Variants in CD4 observed in about 807,000 individuals in gnomAD.
CD4 encodes CD4 molecule.
In CD4, 25 loss-of-function variants were observed where a neutral mutation model predicts 50.5. The ratio of observed to expected loss-of-function variants is 0.49; its 90% CI spans 0.36 to 0.69. The LOEUF (loss-of-function observed/expected upper bound fraction) is 0.69, where lower values mean the gene tolerates loss of function less well. Ranked by LOEUF, CD4 falls within the 30% of genes least tolerant of loss-of-function variation. The pLI, the probability that CD4 is intolerant of heterozygous loss-of-function variation, is 0.00. For synonymous variants in CD4, 207 were observed against 221.9 expected (o/e 0.93, Z 0.60); for missense variants, 456 against 548.5 (o/e 0.83, Z 1.68).
At chr12:6,808,409 C>T (rs1326475408) in intron 3 of CD4, among the ~76,000 whole-genome samples, 1 of 124,298 alleles carries the variant, frequency 8.0e-6, no homozygotes, top group Admixed American at 1.0e-4. Context: ...CGAGATCACA[C>T]TACTGCACTC....
chr12:6,815,287 G>A (rs1943057297), intron 5 of CD4, among the ~76,000 whole-genome samples: 1 of 152,118 alleles, frequency 6.6e-6, no homozygotes, highest in Non-Finnish European at 1.5e-5. Context: ...ATGTCAGGGA[G>A]CTTACTTTCT....
At chr12:6,796,167 G>A (rs959762859) in intron 1 of CD4, among the ~76,000 whole-genome samples, 1 of 152,326 alleles carries the variant, frequency 6.6e-6, no homozygotes, top group African/African-American at 2.4e-5. Flanking sequence ...CCAGGCTTGT[G>A]GTGGCCACAC....
chr12:6,792,205 C>A lies in CD4; in HGVS notation c.-68+2543C>A, dbSNP rs1367519259. 1.3e-5 allele frequency among the ~76,000 whole-genome samples: 2 copies of A among 152,188 alleles called. No individual in the cohort carries two copies. The highest frequency in any genetic ancestry group is 3.9e-4 in the East Asian group (2 of 5,164). Reference sequence around the variant, plus strand: ...GGTTATGGGGAGAAGATAAAAGTGCCTGTGGGACCACAGACTCTCGCTGTG... The same window carrying A: ...GGTTATGGGGAGAAGATAAAAGTGCATGTGGGACCACAGACTCTCGCTGTG... On this transcript the variant is annotated intron_variant, in intron 1 of 9. Transcript: ENST00000011653. The surrounding 1 kb of genome is among the most constrained non-coding windows in gnomAD (Gnocchi z 4.1).
intron 1 of CD4, among the ~76,000 whole-genome samples, chr12:6,791,999 C>T (rs369289525): frequency 3.3e-4 from 50 of 152,176 alleles, no homozygotes; most frequent in African/African-American, 1.1e-3. Flanking sequence ...AGGGTGGGCA[C>T]GGTTCCCCCG....
intron 3 of CD4, among the ~76,000 whole-genome samples, chr12:6,801,762 G>A (rs782150891): frequency 1.3e-5 from 2 of 149,562 alleles, no homozygotes; most frequent in Non-Finnish European, 3.0e-5. Flanking sequence ...GAGTTTCACG[G>A]TGTTAGCCAG....
At chr12:6,802,189 A>G (rs1052939920) in intron 3 of CD4, among the ~76,000 whole-genome samples, 6 of 151,748 alleles carry the variant, frequency 4.0e-5, no homozygotes, top group African/African-American at 1.2e-4. Context: ...TCCTGGTTTT[A>G]AAACTATTAT....
At position 6,797,384 on chromosome 12, in the gene CD4, C is replaced by G. The variant is rs1038000557; in HGVS notation, c.-67-2688C>G. 3.3e-5 allele frequency among the ~76,000 whole-genome samples: 5 copies of G among 152,252 alleles called. No homozygotes were observed. The East Asian group carries it at 9.6e-4, about 29-fold the overall frequency. ...TTGGACAGAGAAATGGCCCTCTGCT[C>G]TTTCTCCCCTGACCTCTCTGAAGGG... is the stretch of plus-strand genomic sequence containing the variant. On this transcript the variant is annotated intron_variant, in intron 1 of 9. Transcript: ENST00000011653.
intron 3 of CD4, among the ~76,000 whole-genome samples, chr12:6,812,670 A>T (rs183576774): frequency 1.4e-3 from 217 of 150,000 alleles, no homozygotes; most frequent in African/African-American, 4.4e-3. Flanking sequence ...CAATAGCGAA[A>T]CTCCATCTCA....
chr12:6,790,316 CTGTG>C (rs1392822135), intron 1 of CD4, among the ~76,000 whole-genome samples: 1 of 152,078 alleles, frequency 6.6e-6, no homozygotes, highest in African/African-American at 2.4e-5. Flanking sequence ...TTTTGTGTTT[CTGTG>C]TGTATTTTTA....
rs1289871521 is a variant in CD4 at position 6,818,016 on chromosome 12, ACATT to A, written c.1157-401_1157-398del. ...CGCACATGCATGCAGTCACGCACAC[ACATT>A]CATACACGCACACAGGCACACATTC... On this transcript the variant is annotated intron_variant, in intron 7 of 9. Transcript: ENST00000011653. This position sits in a 1 kb window ranked among gnomAD's most constrained non-coding sequence, Gnocchi z 5.0. Among the ~76,000 whole-genome samples the A allele has an allele frequency of 6.6e-6, 1 of 151,188 alleles. No homozygotes were observed. The highest frequency in any genetic ancestry group is 2.0e-4 in the East Asian group (1 of 5,106).
intron 3 of CD4, among the ~76,000 whole-genome samples, chr12:6,806,167 A>G (rs1175133351): frequency 7.5e-6 from 1 of 133,096 alleles, no homozygotes; most frequent in Non-Finnish European, 1.7e-5. Context: ...ACACACACAC[A>G]CACACACACA....
intron 3 of CD4, among the ~76,000 whole-genome samples, chr12:6,811,297 C>T (rs1369298517): frequency 6.6e-6 from 1 of 152,098 alleles, no homozygotes; most frequent in African/African-American, 2.4e-5. Context: ...TTTGGAGCTT[C>T]CACTGCACCC....
Position 6,818,781 on chromosome 12 carries a change from C to A in CD4, c.1279-66C>A. On this transcript the variant is annotated intron_variant, in intron 8 of 9. Transcript: ENST00000011653. This position sits in a 1 kb window ranked among gnomAD's most constrained non-coding sequence, Gnocchi z 5.0. ...CTGTCGCAGCTTCCCCCACTCCCCC[C>A]ACCAAGGGGCACCTCCCTTCTGGAG... 5 of 1,447,868 alleles carry A rather than the reference C, an allele frequency of 3.5e-6. No homozygotes were observed. The highest frequency in any genetic ancestry group is 1.7e-5 in the Admixed American group (1 of 59,716). 89.7% of individuals were successfully genotyped at this position (1,447,868 alleles called of 1,614,324 possible).
Position 6,792,264 on chromosome 12 carries a change from G to A in CD4, c.-68+2602G>A, listed in dbSNP as rs1409932439. Among the ~76,000 whole-genome samples the A allele has an allele frequency of 6.6e-6, 1 of 151,946 alleles. No homozygotes were observed. The highest frequency in any genetic ancestry group is 2.4e-5 in the African/African-American group (1 of 41,370). On this transcript the variant is annotated intron_variant, in intron 1 of 9. Transcript: ENST00000011653. This position sits in a 1 kb window ranked among gnomAD's most constrained non-coding sequence, Gnocchi z 4.1. ...GGGCCCTCTTACCCTCCCAAGCCTCGCCCCTCATCCCATCCCTGGGGGCCA... is the reference window on the plus strand; with the variant it reads ...GGGCCCTCTTACCCTCCCAAGCCTCACCCCTCATCCCATCCCTGGGGGCCA...
intron 3 of CD4, among the ~76,000 whole-genome samples, chr12:6,809,888 C>CTTT: frequency 9.2e-6 from 1 of 108,820 alleles, no homozygotes; most frequent in South Asian, 3.4e-4. Context: ...TTGCCTATAC[C>CTTT]TCTTTTTTTT....
intron 3 of CD4, among the ~76,000 whole-genome samples, chr12:6,809,529 C>G (rs1421323590): frequency 6.6e-6 from 1 of 151,978 alleles, no homozygotes; most frequent in Admixed American, 6.6e-5. Context: ...TCTTCCTCTT[C>G]TTTGTTCCCA....
Position 6,792,128 on chromosome 12 carries a change from G to T in CD4, c.-68+2466G>T, listed in dbSNP as rs936595491. On this transcript the variant is annotated intron_variant, in intron 1 of 9. Coordinates refer to ENST00000011653, the MANE Select transcript of CD4 (RefSeq NM_000616.5). The surrounding 1 kb of genome is among the most constrained non-coding windows in gnomAD (Gnocchi z 4.1). ...TAGGAAGCTAGTCAGCAGTAGAGAG[G>T]GTGAACGCGGTGGGGCACATCCCGC... Among the ~76,000 whole-genome samples, 1 of 152,164 alleles carries T rather than the reference G, an allele frequency of 6.6e-6. No individual in the cohort carries two copies. Among genetic ancestry groups the T allele is most frequent in the African/African-American group, 2.4e-5 (1 of 41,420 alleles).
intron 1 of CD4, among the ~76,000 whole-genome samples, chr12:6,790,117 A>G (rs1420927201): frequency 7.4e-6 from 1 of 135,398 alleles, no homozygotes; most frequent in Non-Finnish European, 1.6e-5. Context: ...GAGGAAACCT[A>G]TAAAAAAGAA....
chr12:6,797,390 C>T (rs918284397), intron 1 of CD4, among the ~76,000 whole-genome samples: 1 of 152,116 alleles, frequency 6.6e-6, no homozygotes, highest in Non-Finnish European at 1.5e-5. Context: ...TGCTCTTTCT[C>T]CCCTGACCTC....
Sources: gnomAD v4.1 joint callset for allele counts (sites outside exome capture counted in the v4.1 genomes callset) on GRCh38, gnomAD v4.1.1 for gene constraint, Gnocchi (gnomAD v3.1) non-coding constraint, MANE v1.5 for transcripts, NCBI Gene and HGNC (gene_info 2026-07-23, HGNC 2026-07-21) for gene names.